The following FAT2 variants were observed in gnomAD, a reference collection of about 807,000 sequenced individuals.
FAT2 encodes protocadherin Fat 2.
FAT2 carries 150 observed loss-of-function variants against 295.3 expected under a neutral mutation model. The observed-to-expected ratio is 0.51, with a 90% confidence interval of 0.44 to 0.58. The LOEUF (loss-of-function observed/expected upper bound fraction) is 0.58, where lower values mean the gene tolerates loss of function less well. FAT2 is among the 20% of genes least tolerant of loss of function. The pLI is 0.00. For synonymous variants in FAT2, 2,026 were observed against 2,150.3 expected (o/e 0.94, Z 1.60); for missense variants, 4,868 against 5,442.7 (o/e 0.89, Z 3.32).
chr5:151,565,647 A>AGCGCC, intron 2 of FAT2, 26 bp downstream of exon 2: 19 of 1,460,974 alleles, frequency 1.3e-5, no homozygotes, highest in East Asian at 2.4e-5. Flanking sequence ...TGGCCCTGGC[A>AGCGCC]CCCCACCCTA....
chr5:151,533,249 A>C (rs1391031991), intron 13 of FAT2, among the ~76,000 whole-genome samples: 1 of 152,122 alleles, frequency 6.6e-6, no homozygotes, highest in Non-Finnish European at 1.5e-5. Context: ...CTAATGGAGC[A>C]CTTACAGAGC....
chr5:151,568,813 G>A lies in FAT2; in HGVS notation c.119C>T (p.Ala40Val), dbSNP rs763399208. 7 of 1,614,112 alleles carry A rather than the reference G, an allele frequency of 4.3e-6. No homozygotes were observed. Among genetic ancestry groups the A allele is most frequent in the Non-Finnish European group, 5.9e-6 (7 of 1,180,034 alleles). ...AWHFTHSHYN[A>V]TIYENSSPKT... ...GGGAGAAGAATTTTCATAGATGGTG[G>A]CATTGTAATGGGAGTGTGTGAAGTG... Residue 40 changes from alanine to valine, a missense_variant, in exon 2 of 24, where the codon GCC becomes GTC. Coordinates refer to ENST00000261800, the MANE Select transcript of FAT2 (RefSeq NM_001447.3).
intron 1 of FAT2, among the ~76,000 whole-genome samples, chr5:151,571,325 C>T (rs927449056): frequency 3.3e-5 from 5 of 152,046 alleles, no homozygotes; most frequent in African/African-American, 1.2e-4. Flanking sequence ...GAAAGTGAGT[C>T]CTCACCCCAG....
At chr5:151,513,640 G>T (rs1227613194) in intron 20 of FAT2, among the ~76,000 whole-genome samples, 1 of 152,066 alleles carries the variant, frequency 6.6e-6, no homozygotes, top group Non-Finnish European at 1.5e-5. Flanking sequence ...TACCTATCAG[G>T]AACTATGCTT....
chr5:151,517,081 C>T lies in FAT2; in HGVS notation c.11463+539G>A, dbSNP rs1011018863. 1.8e-4 allele frequency among the ~76,000 whole-genome samples: 27 copies of T among 150,136 alleles called. No individual in the cohort carries two copies. The Middle Eastern group carries it at 0.01, about 57-fold the overall frequency. On this transcript the variant is annotated intron_variant, in intron 20 of 23. Transcript: ENST00000261800. ...TGAAATCACACCACTGCACTCCAGC[C>T]TCGGTGACAGAGAGAGACTCCATCT...
chr5:151,520,077 C>T (rs1186235323), intron 19 of FAT2, among the ~76,000 whole-genome samples: 1 of 152,266 alleles, frequency 6.6e-6, no homozygotes, highest in East Asian at 1.9e-4. Flanking sequence ...AGGAAATCCT[C>T]TCCCCAACAG....
chr5:151,584,759 C>G (rs1345836832), intron 1 of FAT2, among the ~76,000 whole-genome samples: 1 of 152,200 alleles, frequency 6.6e-6, no homozygotes, highest in Non-Finnish European at 1.5e-5. Context: ...TGTCCAAGGT[C>G]AATGGCCAGT....
At chr5:151,532,690 C>G (rs548890913) in intron 13 of FAT2, among the ~76,000 whole-genome samples, 1 of 150,208 alleles carries the variant, frequency 6.7e-6, no homozygotes, top group Admixed American at 6.9e-5. Flanking sequence ...GTTTCTCCAG[C>G]TTTGTCTCCA....
intron 4 of FAT2, among the ~76,000 whole-genome samples, chr5:151,555,524 C>T (rs1284110426): frequency 6.6e-6 from 1 of 152,024 alleles, no homozygotes; most frequent in East Asian, 1.9e-4. Flanking sequence ...CACCCGCCAC[C>T]ACACCTGGCT....
In FAT2 at chr5:151,550,688, C is replaced by T. The variant is rs2127621831; in HGVS notation, c.4480G>A (p.Ala1494Thr). The change falls in exon 8 of 24, where the codon GCC becomes ACC. Residue 1494 changes from alanine (A) to threonine (T), a missense_variant. Physicochemically the swap from Ala to Thr is moderately conservative, Grantham distance 58. Coordinates refer to ENST00000261800, the MANE Select transcript of FAT2 (RefSeq NM_001447.3). ...CTTGGGTCCAGCTGGAAGAGGCTGG[C>T]ACTTCCTGGGTCTTGGCTGCCATGT... ...TIHGSQDPGS[A>T]SLFQLDPSSG... 1 of 1,614,202 alleles carries T rather than the reference C, an allele frequency of 6.2e-7. No homozygotes were observed. The highest frequency in any genetic ancestry group is 8.5e-7 in the Non-Finnish European group (1 of 1,180,024).
chr5:151,561,251 G>A (rs755216353), intron 3 of FAT2, among the ~76,000 whole-genome samples: 6 of 152,234 alleles, frequency 3.9e-5, no homozygotes, highest in Non-Finnish European at 7.3e-5. Flanking sequence ...AGTCCTGCGT[G>A]GAGGGGCCCG....
At chr5:151,584,360 G>A (rs1158865245) in intron 1 of FAT2, among the ~76,000 whole-genome samples, 1 of 152,070 alleles carries the variant, frequency 6.6e-6, no homozygotes, top group Non-Finnish European at 1.5e-5. Flanking sequence ...AGCTCATTGG[G>A]GCTTACTTCC....
intron 18 of FAT2, 114 bp downstream of exon 18, chr5:151,525,654 T>G (rs898867811): frequency 1.6e-5 from 18 of 1,158,426 alleles, no homozygotes; most frequent in Admixed American, 9.5e-5. Context: ...CAGTGCCTGA[T>G]GCATCCTAAG....
chr5:151,543,183 G>T lies in FAT2; in HGVS notation c.7944C>A (p.Ser2648Arg). ...PVTGVVKVKD[S>R]LVGLENQTLD... is the part of the protein sequence containing the mutation. ...GGGTCTGATTTTCCAATCCCACCAG[G>T]CTGTCTTTCACCTTGACCACACCAG... Residue 2648 changes from serine (S) to arginine (R), a missense_variant, in exon 10 of 24, where the codon AGC becomes AGA. By Grantham distance (110) the Ser-to-Arg change is moderately radical. Coordinates refer to ENST00000261800, the MANE Select transcript of FAT2 (RefSeq NM_001447.3). 2 of 1,614,166 alleles carry T rather than the reference G, an allele frequency of 1.2e-6. No individual in the cohort carries two copies. The highest frequency in any genetic ancestry group is 1.1e-5 in the South Asian group (1 of 91,076).
At chr5:151,527,865 T>G in intron 16 of FAT2, 131 bp downstream of exon 16, 2 of 1,245,536 alleles carry the variant, frequency 1.6e-6, no homozygotes, top group Non-Finnish European at 2.2e-6. Flanking sequence ...AGAAAACAAG[T>G]GAGAGACATT....
chr5:151,582,388 T>C (rs748456935), intron 1 of FAT2, among the ~76,000 whole-genome samples: 34 of 152,114 alleles, frequency 2.2e-4, no homozygotes, highest in Non-Finnish European at 7.4e-5. Flanking sequence ...AGCTGGCCGG[T>C]GGATTGAACT....
intron 3 of FAT2, among the ~76,000 whole-genome samples, chr5:151,557,667 T>C (rs553473613): frequency 2.6e-5 from 4 of 152,264 alleles, no homozygotes; most frequent in Non-Finnish European, 5.9e-5. Context: ...ATACTATGTT[T>C]GGAATTTTCT....
At chr5:151,546,471 G>C in intron 9 of FAT2, 134 bp from the exon 10 acceptor site, 1 of 621,552 alleles carries the variant, frequency 1.6e-6, no homozygotes, top group Non-Finnish European at 2.8e-6. Flanking sequence ...ACCCACCCTG[G>C]ATATAGTGTA....
At chr5:151,580,725 G>T (rs1758920027) in intron 1 of FAT2, among the ~76,000 whole-genome samples, 1 of 152,180 alleles carries the variant, frequency 6.6e-6, no homozygotes, top group African/African-American at 2.4e-5. Flanking sequence ...GTTGAAGAGG[G>T]GGCAGAGGGT....
Sources: allele counts gnomAD v4.1 joint callset (sites outside exome capture counted in the v4.1 genomes callset), GRCh38; gene constraint gnomAD v4.1.1; transcripts MANE v1.5; gene names NCBI Gene and HGNC (gene_info 2026-07-23, HGNC 2026-07-21).